Variants in DMTN observed in about 807,000 individuals in gnomAD.
DMTN encodes dematin actin binding protein.
Under a neutral mutation model 59.4 loss-of-function variants are expected in DMTN, and 27 were observed. That is an observed-to-expected ratio of 0.45 (90% CI 0.33 to 0.63). DMTN has a LOEUF of 0.63. DMTN is among the 20% of genes least tolerant of loss of function. The pLI is 0.02. For synonymous variants in DMTN, 221 were observed against 203.7 expected, an observed-to-expected ratio of 1.08 and a Z score of -0.72; for missense variants, 451 against 528.9, an observed-to-expected ratio of 0.85 and a Z score of 1.45.
At chr8:22,051,642 G>C (rs867867332), upstream of DMTN, among the ~76,000 whole-genome samples, 1 of 152,074 alleles carries the variant, frequency 6.6e-6, no homozygotes, top group African/African-American at 2.4e-5. Flanking sequence ...TCTGCTCTCT[G>C]TCTGCCAGCT....
intron 1 of DMTN, among the ~76,000 whole-genome samples, chr8:22,065,827 C>CTTTTTTTTTT (rs76626050): frequency 7.6e-4 from 57 of 74,590 alleles, no homozygotes; most frequent in African/African-American, 1.2e-3. Flanking sequence ...AGAGCAAGAC[C>CTTTTTTTTTT]TTTTTTTTTT....
Position 22,080,238 on chromosome 8 carries a change from G to C in DMTN, c.894G>C (p.Leu298=). ...SSLPAYGRTT[L]SRLQSTEFSP... ...TCCCCGCCTATGGCAGGACCACCCT[G>C]AGCCGGGTAAGGTCTCAGGACCAGA... Residue 298 remains leucine (L), a synonymous_variant, in exon 11 of 16, where the codon CTG becomes CTC. Transcript: ENST00000358242. 6.2e-7 allele frequency: 1 copy of C among 1,614,230 alleles called. No individual in the cohort carries two copies. The highest frequency in any genetic ancestry group is 1.1e-5 in the South Asian group (1 of 91,084).
chr8:22,064,343 C>T (rs1808812733), intron 1 of DMTN, among the ~76,000 whole-genome samples: 1 of 152,242 alleles, frequency 6.6e-6, no homozygotes, highest in Non-Finnish European at 1.5e-5. Context: ...AGAATTTATT[C>T]TTCTTTTCGC....
At chr8:22,073,998 A>T (rs536535415) in intron 10 of DMTN, among the ~76,000 whole-genome samples, 163 bp downstream of exon 10, 3 of 152,364 alleles carry the variant, frequency 2.0e-5, no homozygotes, top group Admixed American at 2.0e-4. Flanking sequence ...CAGATGATAA[A>T]TGAGAGAATC....
At chr8:22,073,524 A>G (rs1817316094) in intron 9 of DMTN, among the ~76,000 whole-genome samples, 1 of 150,340 alleles carries the variant, frequency 6.7e-6, no homozygotes, top group Admixed American at 6.7e-5. Context: ...CCAGCTCCTC[A>G]GGAGGCTGAG....
chr8:22,071,563 T>TTTTATA (rs1443138566), intron 8 of DMTN, among the ~76,000 whole-genome samples: 7 of 151,718 alleles, frequency 4.6e-5, no homozygotes, highest in African/African-American at 7.3e-5. Flanking sequence ...CCTGGCTAAT[T>TTTTATA]TTTATATTTA....
In DMTN at chr8:22,070,309, A is replaced by G. The variant is rs751494624; in HGVS notation, c.579A>G (p.Pro193=). 1.9e-6 allele frequency: 3 copies of G among 1,611,650 alleles called. No homozygotes were observed. Among genetic ancestry groups the G allele is most frequent in the South Asian group, 1.1e-5 (1 of 90,722 alleles). The stretch of plus-strand genomic sequence containing the variant: ...CCAAAATCGAAACCGACTACTGGCC[A>G]TGCCCCCCGTCTCTGGCTGTTGTGG... ...QPAKIETDYW[P]CPPSLAVVET... is the part of the protein sequence containing the mutation. Residue 193 remains proline (P), a synonymous_variant, in exon 8 of 16, where the codon CCA becomes CCG. Transcript: ENST00000358242.
intron 1 of DMTN, among the ~76,000 whole-genome samples, chr8:22,061,748 C>CTTTTTT: frequency 7.3e-6 from 1 of 137,518 alleles, no homozygotes; most frequent in African/African-American, 2.9e-5. Flanking sequence ...CCTTAATTCT[C>CTTTTTT]ATTTTTTTTT....
At chr8:22,055,349 G>C (rs1236283163), upstream of DMTN, 2 of 152,484 alleles carry the variant, frequency 1.3e-5, no homozygotes, top group East Asian at 3.9e-4. Context: ...CCAAGTACCT[G>C]GTCCGCTGGA....
At chr8:22,066,996 C>T (rs1811190003) in intron 2 of DMTN, 89 bp from the exon 3 acceptor site, 1 of 1,288,186 alleles carries the variant, frequency 7.8e-7, no homozygotes, top group Non-Finnish European at 9.9e-7. Context: ...CGCCGCGCAG[C>T]GCCCCGGGTC....
Position 22,080,329 on chromosome 8 carries a change from C to T in DMTN, c.901-83C>T, listed in dbSNP as rs6983048. ...AGGGACTGAGCCACTTGGGCACCCT[C>T]AGGGAGCGGGGAGACCCCCAAAGTG... On this transcript the variant is annotated intron_variant, in intron 11 of 15. Transcript: ENST00000358242. The T allele has an allele frequency of 3.4e-3, 5,533 of 1,613,092 alleles. 122 individuals carry two copies. The African/African-American group carries it at 0.058, about 17-fold the overall frequency.
chr8:22,068,813 G>T (rs563039493), intron 4 of DMTN, among the ~76,000 whole-genome samples: 6 of 152,248 alleles, frequency 3.9e-5, no homozygotes, highest in East Asian at 1.9e-4. Context: ...AGCAAGGCTC[G>T]CGTGCTTCTC....
intron 3 of DMTN, 86 bp downstream of exon 3, chr8:22,067,245 G>A (rs1171383274): frequency 6.2e-6 from 9 of 1,442,960 alleles, no homozygotes; most frequent in Admixed American, 6.2e-5. Flanking sequence ...CCTTCCCGCA[G>A]AGCCTCCCCA....
intron 1 of DMTN, among the ~76,000 whole-genome samples, chr8:22,061,749 ATTTTT>A (rs1175743497): frequency 2.5e-5 from 3 of 119,708 alleles, no homozygotes; most frequent in Non-Finnish European, 3.4e-5. Context: ...CTTAATTCTC[ATTTTT>A]TTTTTTTTTT....
chr8:22,066,942 G>A, intron 2 of DMTN, 49 bp downstream of exon 2: 6 of 1,237,286 alleles, frequency 4.8e-6, no homozygotes, highest in South Asian at 3.3e-5. Flanking sequence ...GGTGGGGGCC[G>A]CTTGGGAGTC....
At chr8:22,049,880 G>A (rs1285863673), upstream of DMTN, among the ~76,000 whole-genome samples, 1 of 152,162 alleles carries the variant, frequency 6.6e-6, no homozygotes, top group African/African-American at 2.4e-5. Flanking sequence ...CTAAAAATGA[G>A]AGAGGAAGTG....
intron 1 of DMTN, among the ~76,000 whole-genome samples, chr8:22,059,709 G>A (rs1473688812): frequency 2.0e-5 from 3 of 152,156 alleles, no homozygotes; most frequent in Admixed American, 6.5e-5. Context: ...GTTTAGAGAC[G>A]ATGTATGAAA....
At position 22,069,865 on chromosome 8, in the gene DMTN, GTTC is replaced by G. The variant is rs1447903089; in HGVS notation, c.395-12_395-10del. On this transcript the variant is annotated splice_polypyrimidine_tract_variant and intron_variant, in intron 6 of 15. Transcript: ENST00000358242. ...CATCAGCATGTCCTCCTCCTCATCT[GTTC>G]TTCCTCCCACAGAGACCTCCCGCCC... 7.4e-6 allele frequency: 12 copies of G among 1,613,864 alleles called. No homozygotes were observed. The highest frequency in any genetic ancestry group is 1.0e-5 in the Non-Finnish European group (12 of 1,179,816).
intron 6 of DMTN, 124 bp from the exon 7 acceptor site, chr8:22,069,757 G>C (rs574871738): frequency 8.4e-7 from 1 of 1,187,244 alleles, no homozygotes; most frequent in South Asian, 1.3e-5. Context: ...TGCCAGCCCT[G>C]TCTTGGCTCT....
Sources: gnomAD v4.1 joint callset for allele counts (sites outside exome capture counted in the v4.1 genomes callset) on GRCh38, gnomAD v4.1.1 for gene constraint, MANE v1.5 for transcripts, NCBI Gene and HGNC (gene_info 2026-07-23, HGNC 2026-07-21) for gene names.